Variants in STAT5B observed in about 807,000 individuals in gnomAD.
STAT5B encodes the protein transcription factor STAT5B.
A neutral mutation model predicts 107.8 loss-of-function variants in STAT5B; 21 were observed. The observed-to-expected ratio is 0.19, with a 90% CI of 0.14 to 0.28. The LOEUF is 0.28. STAT5B is among the 10% of genes least tolerant of loss of function. STAT5B has a pLI of 1.00. For synonymous variants in STAT5B, 325 were observed against 401.7 expected (o/e 0.81, Z 2.28); for missense variants, 565 against 1,008.2 (o/e 0.56, Z 5.95).
intron 1 of STAT5B, among the ~76,000 whole-genome samples, chr17:42,245,585 C>T (rs1339942876): frequency 6.6e-6 from 1 of 151,556 alleles, no homozygotes; most frequent in African/African-American, 2.4e-5. Context: ...TGTAATGGCG[C>T]GATCTTGGCT....
At chr17:42,229,491 C>T (rs1387405833) in intron 2 of STAT5B, among the ~76,000 whole-genome samples, 1 of 151,578 alleles carries the variant, frequency 6.6e-6, no homozygotes, top group Non-Finnish European at 1.5e-5. Flanking sequence ...GAGCAAAACT[C>T]ACAGAAGTCA....
At chr17:42,261,908 C>T (rs955712779) in intron 1 of STAT5B, among the ~76,000 whole-genome samples, 5 of 152,114 alleles carry the variant, frequency 3.3e-5, no homozygotes, top group Admixed American at 6.5e-5. Flanking sequence ...TTACGTTGTC[C>T]AGGCTAGTCT....
intron 3 of STAT5B, among the ~76,000 whole-genome samples, chr17:42,226,971 CAA>C (rs1244458785): frequency 8.1e-6 from 1 of 123,204 alleles, no homozygotes. Flanking sequence ...CTAAAAATAC[CAA>C]AAAAAAAAAA....
intron 12 of STAT5B, among the ~76,000 whole-genome samples, chr17:42,215,495 A>G (rs1173181484): frequency 6.6e-6 from 1 of 152,246 alleles, no homozygotes; most frequent in African/African-American, 2.4e-5. Flanking sequence ...CCATGTGGTC[A>G]TGGAGTGAGG....
At chr17:42,245,084 T>TTG (rs2080439871) in intron 1 of STAT5B, among the ~76,000 whole-genome samples, 1 of 145,696 alleles carries the variant, frequency 6.9e-6, no homozygotes, top group Admixed American at 6.8e-5. Flanking sequence ...TTTTTTTTTT[T>TTG]TTTTTTTTTT....
chr17:42,222,351 C>T (rs2080237459), intron 5 of STAT5B, among the ~76,000 whole-genome samples: 2 of 152,116 alleles, frequency 1.3e-5, no homozygotes, highest in South Asian at 4.1e-4. Flanking sequence ...TCCACAGCCT[C>T]ACCACAGACT....
In STAT5B at chr17:42,246,512, T is replaced by C. The variant is rs113960162; in HGVS notation, c.-10-14375A>G. 7.2e-3 allele frequency among the ~76,000 whole-genome samples: 1,099 copies of C among 152,314 alleles called. 21 individuals are homozygous for C. Among genetic ancestry groups the C allele is most frequent in the African/African-American group, 0.023 (965 of 41,566 alleles). ...AGCAGATTAATTTGTAATTCTGACA[T>C]ATATTTATATATATTAGTGGCCCTC... On this transcript the variant is annotated intron_variant, in intron 1 of 18. Coordinates refer to ENST00000293328, the MANE Select transcript of STAT5B (RefSeq NM_012448.4).
At chr17:42,210,659 G>A (rs1429253698) in intron 13 of STAT5B, 162 bp from the exon 14 acceptor site, 10 of 700,266 alleles carry the variant, frequency 1.4e-5, no homozygotes, top group Non-Finnish European at 2.5e-5. Context: ...GCCCCATGGA[G>A]AGGAAAAGAG....
chr17:42,271,032 T>C (rs2080718741), intron 1 of STAT5B: 2 of 152,234 alleles, frequency 1.3e-5, no homozygotes. Flanking sequence ...TTTGAAGGAC[T>C]TGTTAATTGT....
intron 1 of STAT5B, among the ~76,000 whole-genome samples, chr17:42,258,450 G>A (rs907504121): frequency 4.6e-5 from 7 of 152,084 alleles, no homozygotes; most frequent in African/African-American, 7.2e-5. Flanking sequence ...AGGCTGAAGC[G>A]GAAGGATCAC....
chr17:42,285,308 T>C, the STAT5B span, among the ~76,000 whole-genome samples: 1 of 152,202 alleles, frequency 6.6e-6, no homozygotes, highest in Non-Finnish European at 1.5e-5. Flanking sequence ...GTCAGACTGG[T>C]CTCAAACTCC....
chr17:42,213,326 C>G (rs537582781), intron 12 of STAT5B, among the ~76,000 whole-genome samples: 1 of 152,234 alleles, frequency 6.6e-6, no homozygotes, highest in Admixed American at 6.5e-5. Context: ...CCTACCTCAG[C>G]CTCCCAAACA....
chr17:42,210,070 T>C, intron 15 of STAT5B, 101 bp downstream of exon 15: 2 of 1,542,900 alleles, frequency 1.3e-6, no homozygotes, highest in East Asian at 2.3e-5. Flanking sequence ...CCATAATTAG[T>C]ACTGACCTCA....
At chr17:42,220,540 T>C (rs1233881961) in intron 5 of STAT5B, among the ~76,000 whole-genome samples, 1 of 152,016 alleles carries the variant, frequency 6.6e-6, no homozygotes, top group African/African-American at 2.4e-5. Flanking sequence ...AGGATGAGAT[T>C]CTTGAGAGGC....
chr17:42,221,951 TGTG>T (rs2080230048), intron 5 of STAT5B, among the ~76,000 whole-genome samples: 1 of 144,300 alleles, frequency 6.9e-6, no homozygotes, highest in African/African-American at 2.6e-5. Context: ...GTATGTGTGG[TGTG>T]TGTGTGTGCT....
chr17:42,200,436 G>A lies in STAT5B; in HGVS notation c.*1302C>T, dbSNP rs376858672. The A allele has an allele frequency of 1.2e-4, 18 of 152,564 alleles. No homozygotes were observed. The highest frequency in any genetic ancestry group is 2.7e-4 in the African/African-American group (11 of 41,426). The allele number at this position is 152,564 out of a possible 1,614,324, so 9.5% of individuals were successfully genotyped here. ...CTGGTGTAAAGCTACAGAAGAAGTC[G>A]TGGAACAAAATTATACCGAGGCTTT... On this transcript the variant is annotated 3_prime_UTR_variant, in exon 19 of 19. Coordinates refer to ENST00000293328, the MANE Select transcript of STAT5B (RefSeq NM_012448.4).
intron 1 of STAT5B, among the ~76,000 whole-genome samples, chr17:42,264,368 C>G (rs1396504214): frequency 8.0e-6 from 1 of 125,168 alleles, no homozygotes; most frequent in Admixed American, 8.8e-5. Context: ...TCCCCCCACC[C>G]CACAACAGTC....
At chr17:42,202,138 T>C (rs933761355) in intron 18 of STAT5B, 26 of 671,122 alleles carry the variant, frequency 3.9e-5, no homozygotes, top group African/African-American at 3.6e-4. Context: ...GGGGAACAGA[T>C]GACATTTGCC....
In STAT5B at chr17:42,260,413, G is replaced by A. The variant is rs192883968; in HGVS notation, c.-11+15835C>T. 1.3e-3 allele frequency among the ~76,000 whole-genome samples: 197 copies of A among 152,044 alleles called. 1 individual carries two copies. The highest frequency in any genetic ancestry group is 3.8e-3 in the Admixed American group (58 of 15,258). On this transcript the variant is annotated intron_variant, in intron 1 of 18. Coordinates refer to ENST00000293328, the MANE Select transcript of STAT5B (RefSeq NM_012448.4). ...AGTGTTTTTGTGGGCTTTTGGGTTC[G>A]TTTGTTTTTTTTTGAGACAGGGTCT...
Sources: gnomAD v4.1 joint callset for allele counts (sites outside exome capture counted in the v4.1 genomes callset) on GRCh38, gnomAD v4.1.1 for gene constraint, MANE v1.5 for transcripts, NCBI Gene and HGNC (gene_info 2026-07-23, HGNC 2026-07-21) for gene names.